Variants in ARSB observed in about 807,000 individuals in gnomAD.
The protein encoded by ARSB is arylsulfatase B, also known as N-acetylgalactosamine-4-sulfatase.
ARSB carries 41 observed loss-of-function variants against 50.9 expected under a neutral mutation model. The observed-to-expected ratio is 0.81, with a 90% CI of 0.63 to 1.04. The LOEUF is 1.04. ARSB is among the 50% of genes least tolerant of loss of function. The probability of loss-of-function intolerance (pLI) is 0.00; values close to 1 mark genes in which losing one functional copy is unlikely to be tolerated. For synonymous variants in ARSB, 269 were observed against 284.8 expected (o/e 0.94, Z 0.56); for missense variants, 672 against 693.3 (o/e 0.97, Z 0.35).
rs966381109 is a variant in ARSB at position 78,852,100 on chromosome 5, A to G, written c.1143-12674T>C. The stretch of plus-strand genomic sequence containing the variant: ...TGTTATGTGTGAATTTGATCTTGTC[A>G]TTATGATATTAGCTGGTTATTTTGC... On this transcript the variant is annotated intron_variant, in intron 5 of 7. Transcript: ENST00000264914. Among the ~76,000 whole-genome samples, 14 of 152,340 alleles carry G rather than the reference A, an allele frequency of 9.2e-5. No individual in the cohort carries two copies. The East Asian group carries it at 2.1e-3, about 23-fold the overall frequency.
At chr5:78,863,608 G>A (rs1746558054) in intron 5 of ARSB, among the ~76,000 whole-genome samples, 1 of 142,480 alleles carries the variant, frequency 7.0e-6, no homozygotes, top group Non-Finnish European at 1.5e-5. Context: ...GGCCTGTTGT[G>A]GGGTGGGGGG....
At chr5:78,948,180 G>A (rs1751333058) in intron 4 of ARSB, among the ~76,000 whole-genome samples, 1 of 151,946 alleles carries the variant, frequency 6.6e-6, no homozygotes, top group African/African-American at 2.4e-5. Flanking sequence ...ATGGTTAATG[G>A]GTACACAAAT....
chr5:78,856,228 A>T (rs138280215), intron 5 of ARSB, among the ~76,000 whole-genome samples: 2 of 152,330 alleles, frequency 1.3e-5, no homozygotes, highest in East Asian at 3.9e-4. Flanking sequence ...TCTAAGATTA[A>T]GAATCACTGC....
chr5:78,816,247 T>C, intron 6 of ARSB: 1 of 1,545,838 alleles, frequency 6.5e-7, no homozygotes, highest in Non-Finnish European at 8.8e-7. Context: ...GGGCAAGGAC[T>C]GTCTCCTTCA....
At chr5:78,912,876 G>A (rs1749369653) in intron 4 of ARSB, among the ~76,000 whole-genome samples, 1 of 152,114 alleles carries the variant, frequency 6.6e-6, no homozygotes, top group African/African-American at 2.4e-5. Context: ...TTTTAAAGCA[G>A]CTTTGCTGAA....
chr5:78,976,331 G>A (rs966667592), intron 1 of ARSB, among the ~76,000 whole-genome samples: 51 of 127,962 alleles, frequency 4.0e-4, no homozygotes, highest in African/African-American at 1.5e-3. Flanking sequence ...CTGTCACCTG[G>A]ACTGGAGTGC....
chr5:78,835,638 A>G (rs1744916782), intron 6 of ARSB, among the ~76,000 whole-genome samples: 1 of 152,234 alleles, frequency 6.6e-6, no homozygotes, highest in Non-Finnish European at 1.5e-5. Context: ...TTATCTATTT[A>G]TGATCATGCC....
At chr5:78,876,958 C>T (rs1747511069) in intron 5 of ARSB, among the ~76,000 whole-genome samples, 2 of 152,116 alleles carry the variant, frequency 1.3e-5, no homozygotes, top group South Asian at 4.2e-4. Context: ...TAACTAATGC[C>T]TTATGATCTG....
In ARSB at chr5:78,779,683, C is replaced by T. The variant is rs1292127191; in HGVS notation, c.*714G>A. The T allele has an allele frequency of 6.5e-6, 1 of 152,728 alleles. No homozygotes were observed. The highest frequency in any genetic ancestry group is 2.4e-5 in the African/African-American group (1 of 41,408). 9.5% of individuals were successfully genotyped at this position (152,728 alleles called of 1,614,324 possible). ...AGTGGCCTTCCCAGGGATAGGACTA[C>T]TGAGGTCAAAAGGAAAGGCAGGAAA... is the stretch of plus-strand genomic sequence containing the variant. On this transcript the variant is annotated 3_prime_UTR_variant, in exon 8 of 8. Coordinates refer to ENST00000264914, the MANE Select transcript of ARSB (RefSeq NM_000046.5).
In ARSB at chr5:78,973,543, A is replaced by G. The variant is rs201302233; in HGVS notation, c.313-4351T>C. Among the ~76,000 whole-genome samples, 13 of 152,262 alleles carry G rather than the reference A, an allele frequency of 8.5e-5. No individual in the cohort carries two copies. The East Asian group carries it at 2.5e-3, about 29-fold the overall frequency. On this transcript the variant is annotated intron_variant, in intron 1 of 7. Coordinates refer to ENST00000264914, the MANE Select transcript of ARSB (RefSeq NM_000046.5). ...TTATTCTGTCTTCTGCACACCTAGG[A>G]GTTCCTTGCAGTATAGTCTCATGAG...
chr5:78,959,975 T>G (rs934080497), intron 3 of ARSB, among the ~76,000 whole-genome samples: 15 of 152,296 alleles, frequency 9.8e-5, no homozygotes, highest in South Asian at 4.1e-4. Flanking sequence ...CGGCTCACTG[T>G]CAGCCTAAAG....
intron 5 of ARSB, among the ~76,000 whole-genome samples, chr5:78,866,443 G>C (rs1029921303): frequency 6.6e-6 from 1 of 152,142 alleles, no homozygotes; most frequent in African/African-American, 2.4e-5. Flanking sequence ...GATGAGATTT[G>C]GGTGGGGACA....
At chr5:78,856,717 C>G (rs1746164439) in intron 5 of ARSB, among the ~76,000 whole-genome samples, 1 of 152,162 alleles carries the variant, frequency 6.6e-6, no homozygotes, top group Admixed American at 6.5e-5. Context: ...CTCTATGTCT[C>G]TCTCTACACA....
intron 5 of ARSB, among the ~76,000 whole-genome samples, chr5:78,863,271 G>T (rs967938596): frequency 6.6e-6 from 1 of 152,106 alleles, no homozygotes; most frequent in Non-Finnish European, 1.5e-5. Context: ...ATACCCAAAG[G>T]ATTATAAATC....
chr5:78,805,155 C>A (rs1330032707), intron 6 of ARSB, among the ~76,000 whole-genome samples: 1 of 152,348 alleles, frequency 6.6e-6, no homozygotes, highest in African/African-American at 2.4e-5. Context: ...TTCCCAGGGG[C>A]TGCTGAAAAC....
intron 4 of ARSB, among the ~76,000 whole-genome samples, chr5:78,949,835 G>A (rs576563178): frequency 1.1e-4 from 16 of 152,170 alleles, no homozygotes; most frequent in South Asian, 2.1e-4. Context: ...ACTTGAACCC[G>A]GGAGGCAGTG....
chr5:78,983,667 C>T (rs1456501251), intron 1 of ARSB, among the ~76,000 whole-genome samples: 1 of 152,154 alleles, frequency 6.6e-6, no homozygotes, highest in Non-Finnish European at 1.5e-5. Context: ...ATCCTTTACT[C>T]CCATTTCTAA....
chr5:78,912,944 C>CT (rs1319699110), intron 4 of ARSB, among the ~76,000 whole-genome samples: 7 of 152,036 alleles, frequency 4.6e-5, no homozygotes, highest in Admixed American at 6.5e-5. Flanking sequence ...CACTTAAAAG[C>CT]TTTTTTTCAT....
At chr5:78,966,147 A>C (rs1051394625) in intron 2 of ARSB, among the ~76,000 whole-genome samples, 2 of 152,254 alleles carry the variant, frequency 1.3e-5, no homozygotes, top group Non-Finnish European at 2.9e-5. Context: ...AGAATATAGG[A>C]CAGATACACT....
Sources: allele counts gnomAD v4.1 joint callset (sites outside exome capture counted in the v4.1 genomes callset), GRCh38; gene constraint gnomAD v4.1.1; transcripts MANE v1.5; gene names NCBI Gene and HGNC (gene_info 2026-07-23, HGNC 2026-07-21).